Variants in KLHL38 observed in about 807,000 individuals in gnomAD.
KLHL38 encodes the protein kelch like family member 38, also known as kelch-like protein 38.
In KLHL38, 38 loss-of-function variants were observed where a neutral mutation model predicts 39.6. The ratio of observed to expected loss-of-function variants is 0.96; its 90% CI spans 0.74 to 1.26. KLHL38 has a LOEUF of 1.26. Among genes scored for constraint, KLHL38 ranks in the 50% most tolerant of loss-of-function variants. The pLI is 0.00. For synonymous variants in KLHL38, 322 were observed against 302.2 expected (o/e 1.07, Z -0.68); for missense variants, 803 against 748.1 (o/e 1.07, Z -0.86).
Position 123,645,451 on chromosome 8 carries a change from G to A in KLHL38, c.*288C>T, listed in dbSNP as rs1818644366. 1.2e-4 allele frequency: 20 copies of A among 168,222 alleles called. No individual in the cohort carries two copies. The highest frequency in any genetic ancestry group is 2.2e-4 in the Non-Finnish European group (18 of 81,028). The allele number at this position is 168,222 out of a possible 1,614,324, so 10.4% of individuals were successfully genotyped here. ...AACTCCATCTCAAAAAAAAGAAAAAGAGAGAGAGAGAGAGAGAGAGAGAGA... is the reference window on the plus strand; with the variant it reads ...AACTCCATCTCAAAAAAAAGAAAAAAAGAGAGAGAGAGAGAGAGAGAGAGA... On this transcript the variant is annotated 3_prime_UTR_variant, in exon 4 of 4. Coordinates refer to ENST00000684634, the MANE Select transcript of KLHL38 (RefSeq NM_001081675.3).
Position 123,652,131 on chromosome 8 carries a change from T to C in KLHL38, c.796A>G (p.Thr266Ala), listed in dbSNP as rs1230308037. The change falls in exon 2 of 4, where the codon ACC becomes GCC. Residue 266 changes from threonine (T) to alanine (A), a missense_variant. Physicochemically the swap from Thr to Ala is moderately conservative, Grantham distance 58 (BLOSUM62 0). Transcript: ENST00000684634. ...KRQMFSLCGT[T>A]VPDCKLLLHV... ...AACAGGAGTTTGCAGTCTGGGACGG[T>C]GGTGCCACACAAAGAGAACATCTGT... 7 of 1,614,156 alleles carry C rather than the reference T, an allele frequency of 4.3e-6. No homozygotes were observed. The highest frequency in any genetic ancestry group is 2.2e-5 in the South Asian group (2 of 91,082).
In KLHL38 at chr8:123,652,777, G is replaced by A. The variant is rs968775082; in HGVS notation, c.150C>T (p.Asn50=). The A allele has an allele frequency of 6.8e-6, 11 of 1,614,032 alleles. No homozygotes were observed. Among genetic ancestry groups the A allele is most frequent in the Admixed American group, 1.7e-5 (1 of 60,014 alleles). ...AGAREIPCHR[N]VLASSSPYFR... Reference sequence around the variant, plus strand: ...AGTAGGGGCTGCTGGAGGCCAGCACGTTGCGGTGGCAGGGGATCTCCCGGG... The same window carrying A: ...AGTAGGGGCTGCTGGAGGCCAGCACATTGCGGTGGCAGGGGATCTCCCGGG... Residue 50 remains asparagine (N), a synonymous_variant, in exon 2 of 4, where the codon AAC becomes AAT. Transcript: ENST00000684634.
In KLHL38 at chr8:123,651,408, G is replaced by A. The variant is rs80224451; in HGVS notation, c.1350+169C>T. Among the ~76,000 whole-genome samples the A allele has an allele frequency of 0.032, 4,885 of 152,300 alleles. 250 individuals carry two copies. The highest frequency in any genetic ancestry group is 0.11 in the African/African-American group (4,399 of 41,544). ...TACATTTCTGCATATATGTGTGCAC[G>A]CATGTATGCATATGTGTGTTTGTGT... is the stretch of plus-strand genomic sequence containing the variant. On this transcript the variant is annotated intron_variant, in intron 2 of 3. Transcript: ENST00000684634.
intron 3 of KLHL38, among the ~76,000 whole-genome samples, chr8:123,646,455 A>T (rs1256245332): frequency 6.6e-6 from 1 of 152,238 alleles, no homozygotes; most frequent in Non-Finnish European, 1.5e-5. Context: ...GCACAGAAAG[A>T]TGTTTAACTT....
rs61910691 is a variant in KLHL38, at chr8:123,652,831, G to A, written c.96C>T (p.Ile32=). Residue 32 remains isoleucine (I), a synonymous_variant, in exon 2 of 4, where the codon ATC becomes ATT. Coordinates refer to ENST00000684634, the MANE Select transcript of KLHL38 (RefSeq NM_001081675.3). ...CGGCACAGATGCTCACATCAGTCAG[G>A]ATCCTGCTTTGCCTTAAGCTGTTGA... ...RQLNSLRQSR[I]LTDVSICAGA... The A allele has an allele frequency of 2.7e-4, 433 of 1,612,360 alleles. 2 individuals carry two copies. In the African/African-American group the frequency reaches 5.1e-3, roughly 19 times the overall value.
chr8:123,651,221 G>A (rs990343212), intron 2 of KLHL38, among the ~76,000 whole-genome samples: 2 of 152,106 alleles, frequency 1.3e-5, no homozygotes, highest in Admixed American at 6.5e-5. Flanking sequence ...ATGCATGTAC[G>A]TATTTGTGTT....
intron 2 of KLHL38, among the ~76,000 whole-genome samples, chr8:123,650,615 G>A (rs564303116): frequency 3.3e-5 from 5 of 152,070 alleles, no homozygotes; most frequent in African/African-American, 1.2e-4. Flanking sequence ...CAATATTCAC[G>A]TTCTGCAGAG....
In KLHL38 at chr8:123,651,613, T is replaced by C. The variant is rs756611613; in HGVS notation, c.1314A>G (p.Gly438=). Reference sequence around the variant, plus strand: ...GCACAGGGTTCTGCATGATGTCCTCTCCTCCAAAGAGATAGAGTCTTTGGT... The same window carrying C: ...GCACAGGGTTCTGCATGATGTCCTCCCCTCCAAAGAGATAGAGTCTTTGGT... ...VKDQRLYLFG[G]EDIMQNPVRL... Residue 438 remains glycine (G), a synonymous_variant, in exon 2 of 4, where the codon GGA becomes GGG. Transcript: ENST00000684634. 2.5e-5 allele frequency: 40 copies of C among 1,603,778 alleles called. No homozygotes were observed. The African/African-American group carries it at 4.7e-4, about 19-fold the overall frequency.
Position 123,652,125 on chromosome 8 carries a change from G to T in KLHL38, c.802C>A (p.Pro268Thr). Residue 268 changes from proline to threonine, a missense_variant, in exon 2 of 4, where the codon CCA becomes ACA. Coordinates refer to ENST00000684634, the MANE Select transcript of KLHL38 (RefSeq NM_001081675.3). The part of the protein sequence containing the change: ...QMFSLCGTTV[P>T]DCKLLLHVPP... ...ACATGCAACAGGAGTTTGCAGTCTG[G>T]GACGGTGGTGCCACACAAAGAGAAC... The T allele has an allele frequency of 6.2e-7, 1 of 1,614,162 alleles. No individual in the cohort carries two copies. The highest frequency in any genetic ancestry group is 8.5e-7 in the Non-Finnish European group (1 of 1,180,024).
At chr8:123,651,552 G>A (rs562188241) in intron 2 of KLHL38, 25 bp downstream of exon 2, 28 of 1,540,356 alleles carry the variant, frequency 1.8e-5, no homozygotes, top group East Asian at 1.6e-4. Flanking sequence ...ATGCAGTTAC[G>A]TGATGGGAAG....
Position 123,646,037 on chromosome 8 carries a change from C to G in KLHL38, c.1457-9G>C. 1 of 1,613,056 alleles carries G rather than the reference C, an allele frequency of 6.2e-7. No individual in the cohort carries two copies. Among genetic ancestry groups the G allele is most frequent in the Non-Finnish European group, 8.5e-7 (1 of 1,179,078 alleles). ...AATCCTCCTTGTGTAACCTGAAAACCAAATGACACATGGGCAAGCTCAGTG... is the reference window on the plus strand; with the variant it reads ...AATCCTCCTTGTGTAACCTGAAAACGAAATGACACATGGGCAAGCTCAGTG... On this transcript the variant is annotated splice_polypyrimidine_tract_variant and intron_variant, in intron 3 of 3. Coordinates refer to ENST00000684634, the MANE Select transcript of KLHL38 (RefSeq NM_001081675.3).
At chr8:123,653,008 G>C in intron 1 of KLHL38, 81 bp from the exon 2 acceptor site, 1 of 1,377,326 alleles carries the variant, frequency 7.3e-7, no homozygotes, top group South Asian at 1.4e-5. Context: ...TTCAGCTGTG[G>C]GGACTCCAAG....
intron 3 of KLHL38, among the ~76,000 whole-genome samples, chr8:123,646,440 C>T (rs554441202): frequency 6.6e-6 from 1 of 152,316 alleles, no homozygotes; most frequent in East Asian, 1.9e-4. Flanking sequence ...GATGGACAAA[C>T]TGAGGCACAG....
intron 3 of KLHL38, among the ~76,000 whole-genome samples, chr8:123,646,531 T>A (rs1350056537): frequency 1.3e-5 from 2 of 152,316 alleles, no homozygotes; most frequent in African/African-American, 4.8e-5. Flanking sequence ...CTGACCCCAA[T>A]ACCAGTCCTC....
In KLHL38 at chr8:123,645,810, GC is replaced by G. The variant is rs1818652347; in HGVS notation, c.1674del (p.Gln558HisfsTer62). The G allele has an allele frequency of 1.9e-6, 3 of 1,613,990 alleles. No homozygotes were observed. In the East Asian group the frequency reaches 6.7e-5, roughly 36 times the overall value. ...GCATGGTCAAAGAGCTTGTGCGGCA[GC>G]TGTCCCTGGGATGTCCAGGTGTCCG... ...PETDTWTSQGQLPHKLFDHAC... is the reference protein window; with the variant it reads ...PETDTWTSQGXLPHKLFDHAC... On this transcript the variant is annotated frameshift_variant, in exon 4 of 4. Transcript: ENST00000684634. LOFTEE classifies it high-confidence loss of function.
At chr8:123,646,557 T>C (rs1818667983) in intron 3 of KLHL38, among the ~76,000 whole-genome samples, 1 of 152,254 alleles carries the variant, frequency 6.6e-6, no homozygotes, top group Non-Finnish European at 1.5e-5. Context: ...CATGACACTA[T>C]GATTTGATTA....
chr8:123,651,999 C>A lies in KLHL38; in HGVS notation c.928G>T (p.Gly310Cys). ...AGTTTGGCAAGGCTCTGCCATTGGCCGGTCTGTTTGCTGTACAGTAGGACG... is the reference window on the plus strand; with the variant it reads ...AGTTTGGCAAGGCTCTGCCATTGGCAGGTCTGTTTGCTGTACAGTAGGACG... Reference protein sequence around the residue: ...RDVLLYSKQTGQWQSLAKLPT... With the variant: ...RDVLLYSKQTCQWQSLAKLPT... The change falls in exon 2 of 4, where the codon GGC (glycine) becomes TGC (cysteine). Residue 310 changes from glycine (G) to cysteine (C), a missense_variant. Physicochemically the swap from Gly to Cys is radical, Grantham distance 159. Coordinates refer to ENST00000684634, the MANE Select transcript of KLHL38 (RefSeq NM_001081675.3). 3 of 1,614,220 alleles carry A rather than the reference C, an allele frequency of 1.9e-6. No individual in the cohort carries two copies. In the South Asian group the frequency reaches 3.3e-5, roughly 18 times the overall value.
intron 1 of KLHL38, among the ~76,000 whole-genome samples, chr8:123,653,221 A>C (rs142709170): frequency 6.6e-6 from 1 of 152,354 alleles, no homozygotes; most frequent in Non-Finnish European, 1.5e-5. Flanking sequence ...GTTGGAAGTT[A>C]CTCTGTTATC....
chr8:123,649,734 C>T (rs4871404), intron 2 of KLHL38, among the ~76,000 whole-genome samples: 32,651 of 151,982 alleles, frequency 0.21, 3,964 homozygotes, highest in African/African-American at 0.32. Context: ...TCAGGGGTTG[C>T]GATGTGGGCG....
Sources: gnomAD v4.1 joint callset for allele counts (sites outside exome capture counted in the v4.1 genomes callset) on GRCh38, gnomAD v4.1.1 for gene constraint, MANE v1.5 for transcripts, NCBI Gene and HGNC (gene_info 2026-07-23, HGNC 2026-07-21) for gene names.